Variants in XIRP2 observed in about 807,000 individuals in gnomAD.
XIRP2 encodes the protein xin actin binding repeat containing 2.
In XIRP2, 236 loss-of-function variants were observed where a neutral mutation model predicts 277.0. The observed-to-expected ratio is 0.85, with a 90% confidence interval of 0.77 to 0.95. The LOEUF is 0.95. XIRP2 is among the 40% of genes least tolerant of loss of function. The pLI, the probability that XIRP2 is intolerant of heterozygous loss-of-function variation, is 0.00. For synonymous variants in XIRP2, 1,490 were observed against 1,416.5 expected, an observed-to-expected ratio of 1.05 and a Z score of -1.17; for missense variants, 4,640 against 4,157.5, an observed-to-expected ratio of 1.12 and a Z score of -3.19.
chr2:166,891,206 CT>C (rs1342865175), intron 1 of XIRP2, among the ~76,000 whole-genome samples: 1 of 152,134 alleles, frequency 6.6e-6, no homozygotes, highest in East Asian at 1.9e-4. Context: ...GTAAGATAAG[CT>C]TATTGCAAAT....
At chr2:166,946,760 T>A (rs1372384213) in intron 2 of XIRP2, among the ~76,000 whole-genome samples, 2 of 152,062 alleles carry the variant, frequency 1.3e-5, no homozygotes, top group Admixed American at 1.3e-4. Context: ...ATTGAGAGGA[T>A]CAGTAAGATG....
chr2:167,122,726 T>C lies in XIRP2; in HGVS notation c.409-13183T>C, dbSNP rs531673643. On this transcript the variant is annotated intron_variant, in intron 2 of 10. Coordinates refer to ENST00000409195, the MANE Select transcript of XIRP2 (RefSeq NM_152381.6). ...AAGGCCCCTTTTTGAGAAAATATTC[T>C]GTTATCAAATTCATAACACATCTAT... Among the ~76,000 whole-genome samples, 11 of 152,338 alleles carry C rather than the reference T, an allele frequency of 7.2e-5. No individual in the cohort carries two copies. In the South Asian group the frequency reaches 2.3e-3, roughly 32 times the overall value.
intron 3 of XIRP2, among the ~76,000 whole-genome samples, chr2:167,152,783 C>A (rs1341425382): frequency 6.6e-6 from 1 of 152,090 alleles, no homozygotes; most frequent in Non-Finnish European, 1.5e-5. Flanking sequence ...TTGTTCTCTA[C>A]TTTTAACCCC....
intron 2 of XIRP2, 133 bp from the exon 3 acceptor site, chr2:167,135,776 T>C (rs6720763): frequency 0.22 from 175,562 of 801,902 alleles, 21,750 homozygotes; most frequent in African/African-American, 0.45. Flanking sequence ...ACATTTTACC[T>C]GAAGCATATT....
At chr2:167,213,151 T>C (rs1254728366) in intron 4 of XIRP2, among the ~76,000 whole-genome samples, 1 of 152,150 alleles carries the variant, frequency 6.6e-6, no homozygotes, top group Non-Finnish European at 1.5e-5. Context: ...CATGAAACAG[T>C]GGTGGTCTAT....
chr2:166,955,081 T>C (rs1184110037), intron 2 of XIRP2, among the ~76,000 whole-genome samples: 1 of 151,842 alleles, frequency 6.6e-6, no homozygotes, highest in African/African-American at 2.4e-5. Flanking sequence ...AATAAAATAA[T>C]TGTTTCTTTG....
At chr2:167,097,090 T>G (rs1574252343) in intron 2 of XIRP2, among the ~76,000 whole-genome samples, 1 of 152,182 alleles carries the variant, frequency 6.6e-6, no homozygotes, top group Non-Finnish European at 1.5e-5. Context: ...GTTCAAGTCC[T>G]GAATAGCCTT....
At chr2:166,939,095 A>T (rs1407247742) in intron 2 of XIRP2, among the ~76,000 whole-genome samples, 1 of 152,168 alleles carries the variant, frequency 6.6e-6, no homozygotes, top group Non-Finnish European at 1.5e-5. Flanking sequence ...ATTTCAATTT[A>T]AGGTTAATAT....
At position 167,245,358 on chromosome 2, in the gene XIRP2, T is replaced by C. The variant is rs758421598; in HGVS notation, c.3966T>C (p.Tyr1322=). 6 of 1,613,740 alleles carry C rather than the reference T, an allele frequency of 3.7e-6. No homozygotes were observed. In the South Asian group the frequency reaches 5.5e-5, roughly 15 times the overall value. Residue 1322 remains tyrosine (Y), a synonymous_variant, in exon 9 of 11, where the codon TAT becomes TAC. Transcript: ENST00000409195. ...YRMLFETQPL[Y]AIQDREGSYH... is the part of the protein sequence containing the mutation. ...TGCTCTTTGAAACCCAGCCACTCTA[T>C]GCAATTCAAGACCGAGAAGGGTCCT...
At chr2:167,081,289 G>T (rs1254917518) in intron 2 of XIRP2, among the ~76,000 whole-genome samples, 1 of 152,042 alleles carries the variant, frequency 6.6e-6, no homozygotes, top group Non-Finnish European at 1.5e-5. Context: ...AACACAGCAA[G>T]ACCCTCATGT....
intron 2 of XIRP2, among the ~76,000 whole-genome samples, chr2:166,922,479 T>G (rs1432714080): frequency 2.6e-5 from 4 of 152,096 alleles, no homozygotes; most frequent in South Asian, 2.1e-4. Context: ...TTGAGGTCCT[T>G]TATGTACGAA....
At chr2:167,234,558 G>A (rs1285477178) in intron 5 of XIRP2, among the ~76,000 whole-genome samples, 1 of 151,494 alleles carries the variant, frequency 6.6e-6, no homozygotes, top group Admixed American at 6.6e-5. Flanking sequence ...GGTCACTCTT[G>A]TTTAAAAATT....
chr2:166,939,679 C>CAAAAAAAAAAA (rs138977006), intron 2 of XIRP2, among the ~76,000 whole-genome samples: 11 of 90,656 alleles, frequency 1.2e-4, no homozygotes, highest in South Asian at 6.3e-4. Flanking sequence ...GACTCCATCA[C>CAAAAAAAAAAA]AAAAAAAAAA....
chr2:166,946,995 A>C lies in XIRP2; in HGVS notation c.408+43105A>C, dbSNP rs1195542978. On this transcript the variant is annotated intron_variant, in intron 2 of 10. Transcript: ENST00000409195. ...AAAAACAATGAAAGGCATAGCCCCCACATTGTATCTGATAACACTGAAAAG... is the reference window on the plus strand; with the variant it reads ...AAAAACAATGAAAGGCATAGCCCCCCCATTGTATCTGATAACACTGAAAAG... Among the ~76,000 whole-genome samples, 4 of 152,136 alleles carry C rather than the reference A, an allele frequency of 2.6e-5. No individual in the cohort carries two copies. In the East Asian group the frequency reaches 7.7e-4, roughly 29 times the overall value.
intron 9 of XIRP2, among the ~76,000 whole-genome samples, chr2:167,252,612 TA>T (rs1695548023): frequency 6.6e-6 from 1 of 151,946 alleles, no homozygotes; most frequent in Non-Finnish European, 1.5e-5. Flanking sequence ...ACAATGCATT[TA>T]AAAATTTTGA....
intron 4 of XIRP2, among the ~76,000 whole-genome samples, chr2:167,213,188 G>A (rs1157996320): frequency 6.6e-6 from 1 of 152,136 alleles, no homozygotes; most frequent in Non-Finnish European, 1.5e-5. Context: ...AGAGGGAGAA[G>A]TAACACTTGT....
intron 2 of XIRP2, among the ~76,000 whole-genome samples, chr2:167,024,092 G>A (rs1373747869): frequency 1.4e-5 from 2 of 147,854 alleles, no homozygotes; most frequent in Admixed American, 6.8e-5. Flanking sequence ...CCATGAGCAT[G>A]GAATGTTCTT....
chr2:167,167,449 C>T (rs942582914), intron 3 of XIRP2, among the ~76,000 whole-genome samples: 1 of 151,924 alleles, frequency 6.6e-6, no homozygotes, highest in African/African-American at 2.4e-5. Flanking sequence ...ATTAATTGAG[C>T]ATTTAGTGTG....
intron 2 of XIRP2, among the ~76,000 whole-genome samples, chr2:167,087,242 A>G (rs1242811670): frequency 6.6e-6 from 1 of 152,192 alleles, no homozygotes; most frequent in East Asian, 1.9e-4. Flanking sequence ...GATGCCTCCC[A>G]GTTAGGCTGC....
Sources: allele counts gnomAD v4.1 joint callset (sites outside exome capture counted in the v4.1 genomes callset), GRCh38; gene constraint gnomAD v4.1.1; transcripts MANE v1.5; gene names NCBI Gene and HGNC (gene_info 2026-07-23, HGNC 2026-07-21).